Variants in THEMIS observed in about 807,000 individuals in gnomAD.
THEMIS encodes protein THEMIS.
Under a neutral mutation model 52.6 loss-of-function variants are expected in THEMIS, and 37 were observed. The ratio of observed to expected loss-of-function variants is 0.70; its 90% CI spans 0.54 to 0.93. THEMIS has a LOEUF of 0.93. THEMIS is among the 40% of genes least tolerant of loss of function. THEMIS has a pLI of 0.00. For synonymous variants in THEMIS, 292 were observed against 272.7 expected (o/e 1.07, Z -0.70); for missense variants, 808 against 763.1 (o/e 1.06, Z -0.69).
chr6:127,821,989 TC>T (rs1285847781), intron 3 of THEMIS, among the ~76,000 whole-genome samples: 1 of 151,976 alleles, frequency 6.6e-6, no homozygotes, highest in African/African-American at 2.4e-5. Context: ...TGCTACAATT[TC>T]TCCCAACTTC....
chr6:127,878,395 G>A (rs1024478862), intron 1 of THEMIS, among the ~76,000 whole-genome samples: 1 of 151,984 alleles, frequency 6.6e-6, no homozygotes, highest in African/African-American at 2.4e-5. Context: ...TCAAAAGACA[G>A]CTGGGACTAC....
chr6:127,910,771 C>A (rs1423035386), intron 1 of THEMIS, among the ~76,000 whole-genome samples: 1 of 152,116 alleles, frequency 6.6e-6, no homozygotes, highest in Non-Finnish European at 1.5e-5. Flanking sequence ...AATGTAGAAG[C>A]CAATATTGAG....
chr6:127,769,342 GTTTTTTTTTGTTT>G (rs1265762174), intron 4 of THEMIS, among the ~76,000 whole-genome samples: 3 of 142,786 alleles, frequency 2.1e-5, no homozygotes, highest in East Asian at 2.0e-4. Context: ...AAATAGACCA[GTTTTTTTTTGTTT>G]TTTTTTTTTG....
chr6:127,855,553 T>C (rs921094002), intron 1 of THEMIS, among the ~76,000 whole-genome samples: 3 of 151,884 alleles, frequency 2.0e-5, no homozygotes, highest in Admixed American at 6.6e-5. Context: ...TCAAAAATGA[T>C]CTAAATAACA....
intron 4 of THEMIS, among the ~76,000 whole-genome samples, chr6:127,760,013 G>A (rs183065341): frequency 6.6e-6 from 1 of 151,524 alleles, no homozygotes; most frequent in African/African-American, 2.4e-5. Flanking sequence ...ACAGTGTCAA[G>A]TCTTATGTCT....
chr6:127,751,525 G>A (rs1775643969), intron 4 of THEMIS, among the ~76,000 whole-genome samples: 2 of 151,466 alleles, frequency 1.3e-5, no homozygotes, highest in Admixed American at 1.3e-4. Context: ...ATGTAGAAGT[G>A]GTGGCAATAC....
intron 2 of THEMIS, among the ~76,000 whole-genome samples, chr6:127,830,344 C>T (rs1246770774): frequency 2.0e-5 from 3 of 152,036 alleles, no homozygotes; most frequent in Non-Finnish European, 4.4e-5. Flanking sequence ...AATATATTCT[C>T]TAGACACACT....
intron 2 of THEMIS, among the ~76,000 whole-genome samples, chr6:127,850,801 G>A (rs1779395963): frequency 1.3e-5 from 2 of 151,528 alleles, no homozygotes; most frequent in African/African-American, 4.8e-5. Context: ...TGCTTTGTTG[G>A]TGGGTGCACT....
At chr6:127,870,046 A>G (rs1780108601) in intron 1 of THEMIS, among the ~76,000 whole-genome samples, 1 of 152,176 alleles carries the variant, frequency 6.6e-6, no homozygotes, top group Non-Finnish European at 1.5e-5. Flanking sequence ...TTTGAAGGCA[A>G]TAACAGTTCC....
At chr6:127,729,688 T>C (rs1008133862) in intron 4 of THEMIS, among the ~76,000 whole-genome samples, 3 of 152,174 alleles carry the variant, frequency 2.0e-5, no homozygotes, top group African/African-American at 7.2e-5. Flanking sequence ...TCCTCTTCCA[T>C]TGCCTCATTC....
chr6:127,754,696 G>A (rs1443274545), intron 4 of THEMIS, among the ~76,000 whole-genome samples: 2 of 152,074 alleles, frequency 1.3e-5, no homozygotes, highest in East Asian at 1.9e-4. Flanking sequence ...ATAACCCTAA[G>A]AGTCATGATA....
intron 3 of THEMIS, among the ~76,000 whole-genome samples, chr6:127,827,059 C>T (rs1778532917): frequency 6.6e-6 from 1 of 151,846 alleles, no homozygotes; most frequent in African/African-American, 2.4e-5. Flanking sequence ...GCAAACATGG[C>T]TCCCTGTAGT....
At chr6:127,897,767 T>C (rs1213331872) in intron 1 of THEMIS, among the ~76,000 whole-genome samples, 3 of 151,628 alleles carry the variant, frequency 2.0e-5, no homozygotes, top group African/African-American at 7.2e-5. Flanking sequence ...CAATATGACA[T>C]AGTAATCCTA....
intron 4 of THEMIS, among the ~76,000 whole-genome samples, chr6:127,738,505 T>G (rs972086050): frequency 9.2e-5 from 14 of 152,206 alleles, no homozygotes; most frequent in Non-Finnish European, 2.1e-4. Flanking sequence ...TTAACTTCTC[T>G]AACTCCTCTA....
chr6:127,835,895 ATTAC>A (rs1778861137), intron 2 of THEMIS, among the ~76,000 whole-genome samples: 1 of 152,212 alleles, frequency 6.6e-6, no homozygotes, highest in East Asian at 1.9e-4. Flanking sequence ...GCTTTGATAA[ATTAC>A]TTAGAATTTA....
rs570338622 is a variant in THEMIS at position 127,719,819 on chromosome 6, T to C, written c.1763A>G (p.His588Arg). 2.0e-5 allele frequency: 32 copies of C among 1,611,888 alleles called. No individual in the cohort carries two copies. In the Admixed American group the frequency reaches 4.0e-4, roughly 20 times the overall value. ...AAGTTTCTTGGTTATGTCTACGTGA[T>C]GACGCTGAAATGACACAGGTCACAA... ...TVDLPKSPKRHHVDITKKLHP... is the reference protein window; with the variant it reads ...TVDLPKSPKRRHVDITKKLHP... Residue 588 changes from histidine (H) to arginine (R), a missense_variant, in exon 5 of 6, where the codon CAT (histidine) becomes CGT (arginine). Physicochemically the swap from His to Arg is conservative, Grantham distance 29. Coordinates refer to ENST00000368248, the MANE Select transcript of THEMIS (RefSeq NM_001010923.3).
At chr6:127,769,084 T>G (rs1583253981) in intron 4 of THEMIS, among the ~76,000 whole-genome samples, 1 of 152,236 alleles carries the variant, frequency 6.6e-6, no homozygotes, top group East Asian at 1.9e-4. Context: ...CTGGTCAACT[T>G]TGGACTCTGC....
At chr6:127,883,204 G>T (rs547437935) in intron 1 of THEMIS, among the ~76,000 whole-genome samples, 5 of 151,914 alleles carry the variant, frequency 3.3e-5, no homozygotes, top group African/African-American at 7.2e-5. Context: ...AGACATTGTT[G>T]GTTCTATGAT....
At chr6:127,873,879 T>G (rs1424998975) in intron 1 of THEMIS, among the ~76,000 whole-genome samples, 2 of 152,240 alleles carry the variant, frequency 1.3e-5, no homozygotes, top group African/African-American at 4.8e-5. Context: ...TAGTATTGCA[T>G]TTATTGATAC....
Sources: allele counts gnomAD v4.1 joint callset (sites outside exome capture counted in the v4.1 genomes callset), GRCh38; gene constraint gnomAD v4.1.1; transcripts MANE v1.5; gene names NCBI Gene and HGNC (gene_info 2026-07-23, HGNC 2026-07-21).